Variants in ZHX1 observed in about 807,000 individuals in gnomAD.
The protein encoded by ZHX1 is zinc fingers and homeoboxes 1, also known as zinc fingers and homeoboxes protein 1.
ZHX1 carries 20 observed loss-of-function variants against 61.8 expected under a neutral mutation model. The ratio of observed to expected loss-of-function variants is 0.32; its 90% CI spans 0.23 to 0.47. The LOEUF (loss-of-function observed/expected upper bound fraction) is 0.47. ZHX1 is among the 20% of genes least tolerant of loss of function. The pLI, the probability that ZHX1 is intolerant of heterozygous loss-of-function variation, is 1.00. For synonymous variants in ZHX1, 318 were observed against 352.6 expected, an observed-to-expected ratio of 0.90 and a Z score of 1.10; for missense variants, 800 against 1,034.8, an observed-to-expected ratio of 0.77 and a Z score of 3.11.
At chr8:123,257,798 G>T (rs775873336) in intron 2 of ZHX1, among the ~76,000 whole-genome samples, 5 of 152,078 alleles carry the variant, frequency 3.3e-5, no homozygotes, top group Non-Finnish European at 5.9e-5. Flanking sequence ...TCTGCTGTGC[G>T]GCCCAGTTCC....
In ZHX1 at chr8:123,253,703, G is replaced by C; in HGVS notation, c.2244C>G (p.Pro748=). 1 of 1,614,114 alleles carries C rather than the reference G, an allele frequency of 6.2e-7. No individual in the cohort carries two copies. The highest frequency in any genetic ancestry group is 8.5e-7 in the Non-Finnish European group (1 of 1,180,024). Residue 748 remains proline, a synonymous_variant, in exon 3 of 4, where the codon CCC becomes CCG. Transcript: ENST00000395571. ...GCGGTCTTCCTCTTCCCCGTCCTTT[G>C]GGTCTCCCTCTCCCTCTTTTCCTAA... ...SSLRKRGRGR[P]KGRGRGRPRG...
chr8:123,262,171 A>C (rs1826293428), intron 2 of ZHX1, among the ~76,000 whole-genome samples: 1 of 152,236 alleles, frequency 6.6e-6, no homozygotes, highest in Non-Finnish European at 1.5e-5. Flanking sequence ...TATGCTGTCA[A>C]TGCATCCAGC....
chr8:123,255,049 G>A lies in ZHX1; in HGVS notation c.898C>T (p.Leu300Phe). The stretch of plus-strand genomic sequence containing the variant: ...TAAGGGAACTTGTTGTAGGTGTTAA[G>A]TAAAAGGGGATTGTTATCCAATGCA... ...NAALDNNPLL[L>F]NTYNKFPYPT... The change falls in exon 3 of 4, where the codon CTT becomes TTT. Residue 300 changes from leucine (L) to phenylalanine (F), a missense_variant. Leu to Phe is a conservative substitution (Grantham distance 22). Transcript: ENST00000395571. 1 of 1,614,124 alleles carries A rather than the reference G, an allele frequency of 6.2e-7. No homozygotes were observed. The highest frequency in any genetic ancestry group is 8.5e-7 in the Non-Finnish European group (1 of 1,180,002).
Position 123,254,691 on chromosome 8 carries a change from C to T in ZHX1, c.1256G>A (p.Gly419Asp). ...VTAPIALTVA[G>D]VPSQNNIQKS... ...CTGTATATTATTTTGACTTGGAACGCCTGCCACTGTCAAGGCTATAGGTGC... is the reference window on the plus strand; with the variant it reads ...CTGTATATTATTTTGACTTGGAACGTCTGCCACTGTCAAGGCTATAGGTGC... The change falls in exon 3 of 4, where the codon GGC becomes GAC. Residue 419 changes from glycine (G) to aspartate (D), a missense_variant. Gly to Asp is a moderately conservative substitution (Grantham distance 94, BLOSUM62 -1). Coordinates refer to ENST00000395571, the MANE Select transcript of ZHX1 (RefSeq NM_007222.5). The surrounding 1 kb of genome is among the most constrained non-coding windows in gnomAD (Gnocchi z 4.1). 2 of 1,614,170 alleles carry T rather than the reference C, an allele frequency of 1.2e-6. No homozygotes were observed. The highest frequency in any genetic ancestry group is 1.7e-6 in the Non-Finnish European group (2 of 1,180,028).
intron 2 of ZHX1, among the ~76,000 whole-genome samples, chr8:123,259,493 T>G (rs1056812696): frequency 2.0e-5 from 3 of 152,162 alleles, no homozygotes; most frequent in African/African-American, 7.2e-5. Flanking sequence ...GTGGTACACA[T>G]CTGTAATCCA....
In ZHX1 at chr8:123,253,717, C is replaced by T. The variant is rs1563808486; in HGVS notation, c.2230G>A (p.Gly744Arg). Residue 744 changes from glycine to arginine, a missense_variant, in exon 3 of 4, where the codon GGG (glycine) becomes AGG (arginine). Coordinates refer to ENST00000395571, the MANE Select transcript of ZHX1 (RefSeq NM_007222.5). The stretch of plus-strand genomic sequence containing the variant: ...CCCCGTCCTTTGGGTCTCCCTCTCC[C>T]TCTTTTCCTAAGGGAAGACAGACCA... Reference protein sequence around the residue: ...MNGLSSLRKRGRGRPKGRGRG... With the variant: ...MNGLSSLRKRRRGRPKGRGRG... 2 of 1,614,254 alleles carry T rather than the reference C, an allele frequency of 1.2e-6. No homozygotes were observed. The highest frequency in any genetic ancestry group is 1.7e-6 in the Non-Finnish European group (2 of 1,180,052).
intron 1 of ZHX1, among the ~76,000 whole-genome samples, chr8:123,269,559 G>A (rs1826575258): frequency 6.6e-6 from 1 of 152,112 alleles, no homozygotes; most frequent in East Asian, 1.9e-4. Context: ...TACAAAAAAA[G>A]ACTGAGAGCT....
intron 2 of ZHX1, among the ~76,000 whole-genome samples, chr8:123,259,360 T>C (rs1826175392): frequency 6.6e-6 from 1 of 152,218 alleles, no homozygotes; most frequent in African/African-American, 2.4e-5. Flanking sequence ...AAGCCAATGT[T>C]ATCTTTTAAT....
In ZHX1 at chr8:123,254,073, A is replaced by G. The variant is rs1383064305; in HGVS notation, c.1874T>C (p.Leu625Ser). 6.2e-7 allele frequency: 1 copy of G among 1,613,938 alleles called. No individual in the cohort carries two copies. The highest frequency in any genetic ancestry group is 1.7e-5 in the Admixed American group (1 of 59,986). ...WFTEKKKSKA[L>S]KEEKMEIDES... The stretch of plus-strand genomic sequence containing the variant: ...ATCTATTTCCATTTTCTCTTCCTTT[A>G]AAGCTTTTGATTTCTTCTTCTCTGT... Residue 625 changes from leucine to serine, a missense_variant, in exon 3 of 4, where the codon TTA (leucine) becomes TCA (serine). Physicochemically the swap from Leu to Ser is moderately radical, Grantham distance 145 (BLOSUM62 -2). Coordinates refer to ENST00000395571, the MANE Select transcript of ZHX1 (RefSeq NM_007222.5). This position sits in a 1 kb window ranked among gnomAD's most constrained non-coding sequence, Gnocchi z 4.1.
At chr8:123,271,228 T>A (rs1826643096) in intron 1 of ZHX1, among the ~76,000 whole-genome samples, 1 of 152,202 alleles carries the variant, frequency 6.6e-6, no homozygotes, top group Non-Finnish European at 1.5e-5. Flanking sequence ...AACAGAACTA[T>A]AACTTACTTT....
chr8:123,258,201 C>T (rs1214730904), intron 2 of ZHX1, among the ~76,000 whole-genome samples: 1 of 152,184 alleles, frequency 6.6e-6, no homozygotes. Context: ...CCAGTTCCTG[C>T]AGGAGCTGGT....
chr8:123,250,633 T>G (rs1264973996), intron 3 of ZHX1, among the ~76,000 whole-genome samples: 1 of 152,242 alleles, frequency 6.6e-6, no homozygotes, highest in Admixed American at 6.5e-5. Context: ...CTTGTACTTT[T>G]TTCTATTTCT....
chr8:123,259,838 T>C (rs1826191748), intron 2 of ZHX1, among the ~76,000 whole-genome samples: 1 of 152,170 alleles, frequency 6.6e-6, no homozygotes, highest in African/African-American at 2.4e-5. Flanking sequence ...CAAAATGCTA[T>C]GAGAAATCCC....
chr8:123,266,957 T>C (rs1695763689), intron 2 of ZHX1, among the ~76,000 whole-genome samples: 1 of 152,192 alleles, frequency 6.6e-6, no homozygotes. Context: ...AGGTACATTT[T>C]GTCTTGTTTA....
At chr8:123,264,350 T>A (rs1274711216) in intron 2 of ZHX1, among the ~76,000 whole-genome samples, 12 of 152,186 alleles carry the variant, frequency 7.9e-5, no homozygotes, top group Non-Finnish European at 1.3e-4. Flanking sequence ...TATAAGAAGT[T>A]AGTGGATTGT....
chr8:123,271,473 A>G (rs992304350), intron 1 of ZHX1, among the ~76,000 whole-genome samples: 1 of 152,190 alleles, frequency 6.6e-6, no homozygotes, highest in African/African-American at 2.4e-5. Flanking sequence ...TTATTTAAGT[A>G]AAGTCTTTGG....
rs570942028 is a variant in ZHX1, at chr8:123,258,676, A to T, written c.-225-2505T>A. Among the ~76,000 whole-genome samples the T allele has an allele frequency of 3.9e-4, 59 of 152,320 alleles. 1 individual carries two copies. The South Asian group carries it at 0.011, about 29-fold the overall frequency. On this transcript the variant is annotated intron_variant, in intron 2 of 3. Coordinates refer to ENST00000395571, the MANE Select transcript of ZHX1 (RefSeq NM_007222.5). ...AGAGGAAAATAGTCCTACAAAACTCAACAGGACCTGCAGGAGGCATCACCA... is the reference window on the plus strand; with the variant it reads ...AGAGGAAAATAGTCCTACAAAACTCTACAGGACCTGCAGGAGGCATCACCA...
At position 123,253,812 on chromosome 8, in the gene ZHX1, C is replaced by T; in HGVS notation, c.2135G>A (p.Arg712His). The change falls in exon 3 of 4, where the codon CGT becomes CAT. Residue 712 changes from arginine (R) to histidine (H), a missense_variant. Transcript: ENST00000395571. ...TDIVSWFGDT[R>H]YAWKNGNLKW... The stretch of plus-strand genomic sequence containing the variant: ...CAAGTTTCCATTCTTCCAAGCATAA[C>T]GGGTGTCCCCAAACCAACTAACTAT... 1.9e-6 allele frequency: 3 copies of T among 1,614,164 alleles called. No homozygotes were observed. Among genetic ancestry groups the T allele is most frequent in the East Asian group, 2.2e-5 (1 of 44,886 alleles).
In ZHX1 at chr8:123,255,320, C is replaced by G; in HGVS notation, c.627G>C (p.Glu209Asp). 1 of 1,614,142 alleles carries G rather than the reference C, an allele frequency of 6.2e-7. No homozygotes were observed. Among genetic ancestry groups the G allele is most frequent in the East Asian group, 2.2e-5 (1 of 44,882 alleles). The change falls in exon 3 of 4, where the codon GAG (glutamate) becomes GAC (aspartate). Residue 209 changes from glutamate (E) to aspartate (D), a missense_variant. Glu to Asp is a conservative substitution (Grantham distance 45). Transcript: ENST00000395571. ...GGTCTGGTTTGATTTCATTCTCTTT[C>G]TCTTCAGGAACGTCCTCAACTGAGT... ...HHNSVEDVPE[E>D]KENEIKPDRE...
Sources: gnomAD v4.1 joint callset for allele counts (sites outside exome capture counted in the v4.1 genomes callset) on GRCh38, gnomAD v4.1.1 for gene constraint, Gnocchi (gnomAD v3.1) non-coding constraint, MANE v1.5 for transcripts, NCBI Gene and HGNC (gene_info 2026-07-23, HGNC 2026-07-21) for gene names.